ELMO1: variants seen among roughly 807,000 people sequenced by gnomAD.
ELMO1 encodes the protein engulfment and cell motility 1.
ELMO1 carries 26 observed loss-of-function variants against 98.9 expected under a neutral mutation model. The ratio of observed to expected loss-of-function variants is 0.26; its 90% CI spans 0.19 to 0.36. The LOEUF is 0.36. ELMO1 is among the 10% of genes least tolerant of loss of function. The pLI is 1.00. For synonymous variants in ELMO1, 346 were observed against 346.0 expected (o/e 1.00, Z 0.00); for missense variants, 627 against 935.2 (o/e 0.67, Z 4.30).
At chr7:37,133,007 G>A in intron 14 of ELMO1, 123 bp downstream of exon 14, 1 of 467,020 alleles carries the variant, frequency 2.1e-6, no homozygotes. Context: ...TTTTTTTTTA[G>A]TTTACTAAGA....
rs55932815 is a variant in ELMO1, at chr7:37,399,501, C to G, written c.-74+49174G>C. ...ACCTCAGCCCAACACGAGCCCAGCA[C>G]ACGCAGGGTGGGGAAGCCAAGCACT... On this transcript the variant is annotated intron_variant, in intron 1 of 21. Transcript: ENST00000310758. 6.4e-3 allele frequency among the ~76,000 whole-genome samples: 982 copies of G among 152,334 alleles called. 6 individuals carry two copies. Among genetic ancestry groups the G allele is most frequent in the African/African-American group, 0.023 (942 of 41,576 alleles).
chr7:37,201,722 G>T (rs1245335829), intron 13 of ELMO1, among the ~76,000 whole-genome samples: 1 of 152,246 alleles, frequency 6.6e-6, no homozygotes, highest in Non-Finnish European at 1.5e-5. Context: ...GTCAGCCAGA[G>T]TTCAGGGGAC....
intron 14 of ELMO1, among the ~76,000 whole-genome samples, chr7:37,099,069 A>G (rs1216134788): frequency 6.6e-6 from 1 of 152,240 alleles, no homozygotes; most frequent in African/African-American, 2.4e-5. Context: ...ACAGTTTATT[A>G]GCAGGCACTA....
chr7:37,199,261 G>C (rs1792150366), intron 13 of ELMO1, among the ~76,000 whole-genome samples: 1 of 152,158 alleles, frequency 6.6e-6, no homozygotes. Flanking sequence ...GTATTATCAT[G>C]GTAATGAATC....
At position 36,855,860 on chromosome 7, in the gene ELMO1, G is replaced by C; in HGVS notation, c.1984-109C>G. 1 of 1,260,504 alleles carries C rather than the reference G, an allele frequency of 7.9e-7. No homozygotes were observed. 78.1% of individuals were successfully genotyped at this position (1,260,504 alleles called of 1,614,324 possible). A position where few individuals can be genotyped will look rare whatever the true frequency, so the allele number is the denominator to read the frequency against. Reference sequence around the variant, plus strand: ...CATCCCTCAGTAGGCTGTGCGCTAAGGGCTCTGCCTACTTCGTCATTTCAT... The same window carrying C: ...CATCCCTCAGTAGGCTGTGCGCTAACGGCTCTGCCTACTTCGTCATTTCAT... On this transcript the variant is annotated intron_variant, in intron 21 of 21. Transcript: ENST00000310758. This position sits in a 1 kb window ranked among gnomAD's most constrained non-coding sequence, Gnocchi z 4.2.
At chr7:37,048,604 T>C (rs1241610047) in intron 15 of ELMO1, among the ~76,000 whole-genome samples, 1 of 152,240 alleles carries the variant, frequency 6.6e-6, no homozygotes, top group Non-Finnish European at 1.5e-5. Context: ...TCGTTTATTT[T>C]ATTCAGGGCA....
At chr7:37,212,794 G>C (rs1356214503) in intron 12 of ELMO1, among the ~76,000 whole-genome samples, 1 of 152,116 alleles carries the variant, frequency 6.6e-6, no homozygotes, top group Non-Finnish European at 1.5e-5. Flanking sequence ...CACAGCAAAG[G>C]TCCCCAAAGC....
rs919082366 is a variant in ELMO1 at position 37,276,551 on chromosome 7, C to T, written c.193-4669G>A. Among the ~76,000 whole-genome samples, 7 of 152,318 alleles carry T rather than the reference C, an allele frequency of 4.6e-5. No individual in the cohort carries two copies. The South Asian group carries it at 6.2e-4, about 14-fold the overall frequency. ...GCGTGAACCCGGGAGGCGGAGCTTG[C>T]AGTGAGCCGAGATTACGCCACTGCA... On this transcript the variant is annotated intron_variant, in intron 4 of 21. Transcript: ENST00000310758.
At position 36,928,049 on chromosome 7, in the gene ELMO1, T is replaced by C. The variant is rs368466680; in HGVS notation, c.1438-33032A>G. On this transcript the variant is annotated intron_variant, in intron 16 of 21. Transcript: ENST00000310758. ...CTTTAGCATTGTCTTTGGGTGATAG[T>C]AAATCTCTGAAAATCCTAAAAGGCA... Among the ~76,000 whole-genome samples, 58 of 152,342 alleles carry C rather than the reference T, an allele frequency of 3.8e-4. No homozygotes were observed. The South Asian group carries it at 4.1e-3, about 11-fold the overall frequency.
intron 1 of ELMO1, among the ~76,000 whole-genome samples, chr7:37,351,611 G>C (rs1217833048): frequency 2.0e-5 from 3 of 152,146 alleles, no homozygotes; most frequent in Non-Finnish European, 2.9e-5. Context: ...TCAGTTCTCT[G>C]TACTACCCTA....
At chr7:37,416,894 C>T (rs1406302398) in intron 1 of ELMO1, among the ~76,000 whole-genome samples, 2 of 152,144 alleles carry the variant, frequency 1.3e-5, no homozygotes, top group Admixed American at 6.5e-5. Context: ...AAGAGTTAAC[C>T]ACCTGTCCTA....
chr7:36,912,503 T>C (rs539057990), intron 16 of ELMO1, among the ~76,000 whole-genome samples: 1 of 152,236 alleles, frequency 6.6e-6, no homozygotes, highest in East Asian at 1.9e-4. Context: ...CCAAACGGAT[T>C]TATTTTTGAA....
intron 16 of ELMO1, among the ~76,000 whole-genome samples, chr7:36,986,840 C>T (rs1434814317): frequency 1.3e-5 from 2 of 152,096 alleles, no homozygotes; most frequent in Non-Finnish European, 2.9e-5. Context: ...CAGCAGGGGT[C>T]CCACTGGGAG....
At chr7:37,264,803 AGT>A (rs201068203) in intron 5 of ELMO1, among the ~76,000 whole-genome samples, 1 of 152,236 alleles carries the variant, frequency 6.6e-6, no homozygotes, top group East Asian at 1.9e-4. Context: ...GGGTACTGGT[AGT>A]GTGTGTGTGT....
chr7:36,943,454 C>A (rs1329534752), intron 16 of ELMO1, among the ~76,000 whole-genome samples: 1 of 152,162 alleles, frequency 6.6e-6, no homozygotes, highest in African/African-American at 2.4e-5. Context: ...CATTTTAGAT[C>A]TTCAGTCATG....
In ELMO1 at chr7:37,197,314, T is replaced by C. The variant is rs1053284261; in HGVS notation, c.1086+14072A>G. 10 of 152,352 alleles carry C rather than the reference T, an allele frequency of 6.6e-5. No homozygotes were observed. The East Asian group carries it at 1.9e-3, about 29-fold the overall frequency. The allele number at this position is 152,352 out of a possible 1,614,324, so 9.4% of individuals were successfully genotyped here. On this transcript the variant is annotated intron_variant, in intron 13 of 21. Transcript: ENST00000310758. ...TCAAATTGGTTCTTGTCCCTTCCCA[T>C]TGGAAAGGTTTTGACAGTCTTCCTA...
Position 37,117,719 on chromosome 7 carries a change from T to C in ELMO1, c.1191+15411A>G, listed in dbSNP as rs75088569. 5.7e-4 allele frequency among the ~76,000 whole-genome samples: 87 copies of C among 152,312 alleles called. No individual in the cohort carries two copies. The East Asian group carries it at 0.015, about 27-fold the overall frequency. ...TATATACAAACAAGCCTCCAAGCTG[T>C]GGACCTTGGTTAAAGAAAGAACAAA... On this transcript the variant is annotated intron_variant, in intron 14 of 21. Transcript: ENST00000310758.
intron 1 of ELMO1, among the ~76,000 whole-genome samples, chr7:37,412,045 A>C (rs145887370): frequency 6.3e-4 from 96 of 152,110 alleles, no homozygotes; most frequent in African/African-American, 2.1e-3. Flanking sequence ...CACACACAAA[A>C]ACACACACAC....
Position 37,005,125 on chromosome 7 carries a change from A to AAAG in ELMO1, c.1437+8173_1437+8174insCTT, listed in dbSNP as rs1554389271. On this transcript the variant is annotated intron_variant, in intron 16 of 21. Coordinates refer to ENST00000310758, the MANE Select transcript of ELMO1 (RefSeq NM_014800.11). Reference sequence around the variant, plus strand: ...TCTGTCTCAAAAAAAAAAAAAAAAAAAAAAAAAGAAAAAAAGAAAATTACA... The same window carrying AAAG: ...TCTGTCTCAAAAAAAAAAAAAAAAAAAAGAAAAAAAGAAAAAAAGAAAATTACA... Among the ~76,000 whole-genome samples the AAAG allele has an allele frequency of 6.0e-5, 9 of 149,624 alleles. No homozygotes were observed. The East Asian group carries it at 1.4e-3, about 23-fold the overall frequency.
Sources: allele counts gnomAD v4.1 joint callset (sites outside exome capture counted in the v4.1 genomes callset), GRCh38; gene constraint gnomAD v4.1.1; non-coding constraint Gnocchi (gnomAD v3.1); transcripts MANE v1.5; gene names NCBI Gene and HGNC (gene_info 2026-07-23, HGNC 2026-07-21).